Variants in CTNNA3 observed in about 807,000 individuals in gnomAD.
CTNNA3 encodes catenin alpha 3, also known as catenin alpha-3.
In CTNNA3, 76 loss-of-function variants were observed where a neutral mutation model predicts 95.7. The ratio of observed to expected loss-of-function variants is 0.79; its 90% CI spans 0.66 to 0.96. The LOEUF (loss-of-function observed/expected upper bound fraction) is 0.96, where lower values mean the gene tolerates loss of function less well. CTNNA3 is among the 40% of genes least tolerant of loss of function. The probability of loss-of-function intolerance (pLI) is 0.00; values close to 1 mark genes in which losing one functional copy is unlikely to be tolerated. For synonymous variants in CTNNA3, 431 were observed against 374.4 expected (o/e 1.15, Z -1.74); for missense variants, 1,191 against 1,089.8 (o/e 1.09, Z -1.31).
intron 10 of CTNNA3, among the ~76,000 whole-genome samples, chr10:66,552,371 C>T (rs927880914): frequency 6.6e-6 from 1 of 152,100 alleles, no homozygotes; most frequent in African/African-American, 2.4e-5. Flanking sequence ...TACAACTGGG[C>T]CCACTTTGGG....
chr10:66,655,425 A>G (rs562642887), intron 9 of CTNNA3, among the ~76,000 whole-genome samples: 4 of 152,216 alleles, frequency 2.6e-5, no homozygotes, highest in African/African-American at 9.6e-5. Context: ...ATAAGAGAGA[A>G]AGATGGTGAT....
chr10:67,362,629 C>A (rs954037171), intron 5 of CTNNA3, among the ~76,000 whole-genome samples: 1 of 151,946 alleles, frequency 6.6e-6, no homozygotes, highest in African/African-American at 2.4e-5. Context: ...CCATCTATGA[C>A]AAACCCACAG....
At chr10:66,610,790 AG>A (rs1564567048) in intron 10 of CTNNA3, among the ~76,000 whole-genome samples, 1 of 152,134 alleles carries the variant, frequency 6.6e-6, no homozygotes, top group African/African-American at 2.4e-5. Context: ...ATAGCCCCAA[AG>A]AAAGGAAATC....
intron 6 of CTNNA3, among the ~76,000 whole-genome samples, chr10:67,197,408 G>A (rs1441516660): frequency 6.6e-6 from 1 of 152,012 alleles, no homozygotes; most frequent in Non-Finnish European, 1.5e-5. Flanking sequence ...AGCAGGTTAA[G>A]TACAAGCCCT....
At chr10:67,748,858 T>C (rs1208057046) in intron 1 of CTNNA3, among the ~76,000 whole-genome samples, 1 of 152,172 alleles carries the variant, frequency 6.6e-6, no homozygotes, top group Non-Finnish European at 1.5e-5. Context: ...AAGAGACCCA[T>C]CTCATGTGCA....
chr10:66,079,008 T>C (rs535568999), intron 14 of CTNNA3: 9 of 151,954 alleles, frequency 5.9e-5, no homozygotes, highest in Non-Finnish European at 1.2e-4. Context: ...TGTATTAGTC[T>C]GACCACAAAG....
At chr10:66,479,697 T>C (rs1009493431) in intron 11 of CTNNA3, among the ~76,000 whole-genome samples, 1 of 152,032 alleles carries the variant, frequency 6.6e-6, no homozygotes, top group Non-Finnish European at 1.5e-5. Context: ...ATTGTAAGTG[T>C]TGTGGTAAGA....
chr10:67,696,954 T>C (rs1168627157), upstream of CTNNA3, among the ~76,000 whole-genome samples: 1 of 152,202 alleles, frequency 6.6e-6, no homozygotes, highest in Non-Finnish European at 1.5e-5. Context: ...CTAACTAAAA[T>C]ATGAACTACT....
At chr10:67,583,852 G>T (rs974124929) in intron 3 of CTNNA3, among the ~76,000 whole-genome samples, 3 of 151,864 alleles carry the variant, frequency 2.0e-5, no homozygotes, top group Non-Finnish European at 2.9e-5. Flanking sequence ...TGATTGAATC[G>T]GCTACTGAAG....
intron 13 of CTNNA3, among the ~76,000 whole-genome samples, chr10:66,188,631 G>A (rs961687171): frequency 6.7e-6 from 1 of 148,768 alleles, no homozygotes; most frequent in African/African-American, 2.5e-5. Context: ...GTGTGTGTGT[G>A]CCACAATTTA....
chr10:66,386,823 C>T (rs914797912), intron 11 of CTNNA3, among the ~76,000 whole-genome samples: 1 of 152,064 alleles, frequency 6.6e-6, no homozygotes, highest in African/African-American at 2.4e-5. Context: ...TTTGACAAAC[C>T]TGACAAAAAC....
At chr10:66,004,705 C>T (rs752771455) in intron 15 of CTNNA3, among the ~76,000 whole-genome samples, 67 of 152,294 alleles carry the variant, frequency 4.4e-4, no homozygotes, top group Admixed American at 1.7e-3. Context: ...CTCTTCTCTG[C>T]TCTTTCTTCC....
chr10:67,102,720 A>G (rs1421842508), intron 7 of CTNNA3, among the ~76,000 whole-genome samples: 1 of 151,888 alleles, frequency 6.6e-6, no homozygotes, highest in African/African-American at 2.4e-5. Context: ...TTTTTAATCT[A>G]AAATATTACC....
At chr10:66,203,487 A>T (rs945870128) in intron 13 of CTNNA3, among the ~76,000 whole-genome samples, 6 of 152,138 alleles carry the variant, frequency 3.9e-5, no homozygotes, top group African/African-American at 1.4e-4. Context: ...CTCCCATGTA[A>T]ACAGAGGAGT....
chr10:67,629,169 C>A (rs1313926773), intron 2 of CTNNA3, among the ~76,000 whole-genome samples: 8 of 151,448 alleles, frequency 5.3e-5, no homozygotes, highest in Non-Finnish European at 1.0e-4. Context: ...AAAAAAAAAA[C>A]AACAACTTTT....
At chr10:66,809,948 G>A (rs964043040) in intron 7 of CTNNA3, among the ~76,000 whole-genome samples, 88 of 152,088 alleles carry the variant, frequency 5.8e-4, no homozygotes, top group African/African-American at 2.1e-3. Context: ...GGGATTACAG[G>A]CAACTGCTAC....
chr10:66,726,836 CT>C (rs1848797567), intron 9 of CTNNA3, among the ~76,000 whole-genome samples: 1 of 152,036 alleles, frequency 6.6e-6, no homozygotes, highest in African/African-American at 2.4e-5. Flanking sequence ...GACAATTCTT[CT>C]TATTGAAAAA....
In CTNNA3 at chr10:66,269,344, T is replaced by C. The variant is rs548104819; in HGVS notation, c.1884+11126A>G. Among the ~76,000 whole-genome samples the C allele has an allele frequency of 2.6e-3, 389 of 152,318 alleles. 1 individual carries two copies. Among genetic ancestry groups the C allele is most frequent in the Non-Finnish European group, 2.7e-3 (185 of 68,028 alleles). On this transcript the variant is annotated intron_variant, in intron 13 of 17. Transcript: ENST00000433211. ...AAGAGATTAGCTATTTGTAAATGCA[T>C]TGTCAATGTGAGTTTTTGGTAAATG... is the stretch of plus-strand genomic sequence containing the variant.
At chr10:66,235,568 G>C (rs1037327271) in intron 13 of CTNNA3, among the ~76,000 whole-genome samples, 1 of 151,884 alleles carries the variant, frequency 6.6e-6, no homozygotes, top group Non-Finnish European at 1.5e-5. Context: ...CCTTCTTTAA[G>C]TGACTAGTTT....
Sources: gnomAD v4.1 joint callset for allele counts (sites outside exome capture counted in the v4.1 genomes callset) on GRCh38, gnomAD v4.1.1 for gene constraint, MANE v1.5 for transcripts, NCBI Gene and HGNC (gene_info 2026-07-23, HGNC 2026-07-21) for gene names.